Variants in TCHP observed in about 807,000 individuals in gnomAD.
TCHP encodes trichoplein keratin filament binding, also known as trichoplein keratin filament-binding protein.
In TCHP, 81 loss-of-function variants were observed where a neutral mutation model predicts 88.7. The ratio of observed to expected loss-of-function variants is 0.91; its 90% confidence interval spans 0.76 to 1.10. TCHP has a LOEUF of 1.10. Among genes scored for constraint, TCHP ranks in the 50% least tolerant of loss-of-function variants. The pLI, the probability that TCHP is intolerant of heterozygous loss-of-function variation, is 0.00. For synonymous variants in TCHP, 232 were observed against 232.5 expected, an observed-to-expected ratio of 1.00 and a Z score of 0.02; for missense variants, 641 against 632.1, an observed-to-expected ratio of 1.01 and a Z score of -0.15.
intron 1 of TCHP, among the ~76,000 whole-genome samples, chr12:109,902,112 T>A (rs1869832114): frequency 6.6e-6 from 1 of 152,202 alleles, no homozygotes; most frequent in Non-Finnish European, 1.5e-5. Flanking sequence ...AATCCCTGTG[T>A]CTGTCTGTTG....
At chr12:109,913,215 G>A in intron 10 of TCHP, 143 bp downstream of exon 10, 1 of 724,794 alleles carries the variant, frequency 1.4e-6, no homozygotes, top group Non-Finnish European at 2.3e-6. Context: ...CATTGAAAAA[G>A]TAATATGAGC....
chr12:109,893,378 CTCA>C, the TCHP span, among the ~76,000 whole-genome samples: 1 of 132,942 alleles, frequency 7.5e-6, no homozygotes, highest in Admixed American at 7.2e-5. Flanking sequence ...GAAACTCCTT[CTCA>C]AAAAAAAAAA....
chr12:109,908,733 CG>C (rs773876466), intron 7 of TCHP, 35 bp downstream of exon 7: 1 of 1,561,986 alleles, frequency 6.4e-7, no homozygotes, highest in South Asian at 1.2e-5. Context: ...TCTTCCCAGG[CG>C]GGTGGGCCTC....
chr12:109,911,474 G>C (rs1212867257), intron 9 of TCHP, among the ~76,000 whole-genome samples: 1 of 151,924 alleles, frequency 6.6e-6, no homozygotes, highest in East Asian at 1.9e-4. Context: ...TTGGCCAGGC[G>C]TGGTTGTTCA....
Position 109,907,545 on chromosome 12 carries a change from A to G in TCHP, c.545A>G (p.Gln182Arg), listed in dbSNP as rs759866634. The G allele has an allele frequency of 1.2e-6, 2 of 1,614,232 alleles. No individual in the cohort carries two copies. The highest frequency in any genetic ancestry group is 1.7e-5 in the Admixed American group (1 of 60,020). Residue 182 changes from glutamine (Q) to arginine (R), a missense_variant, in exon 6 of 13, where the codon CAA becomes CGA. Coordinates refer to ENST00000405876, the MANE Select transcript of TCHP (RefSeq NM_001143852.2). Reference sequence around the variant, plus strand: ...TTGTAGCAAGAAGCCACCGCAGAGCAAGAGAACAAACGGTATGAAAATGAA... The same window carrying G: ...TTGTAGCAAGAAGCCACCGCAGAGCGAGAGAACAAACGGTATGAAAATGAA... ...EKKQQEATAEQENKRYENEYE... is the reference protein window; with the variant it reads ...EKKQQEATAERENKRYENEYE...
the TCHP span, among the ~76,000 whole-genome samples, chr12:109,885,249 C>T: frequency 3.9e-5 from 6 of 152,318 alleles, no homozygotes; most frequent in East Asian, 5.8e-4. Context: ...GGATTACAGG[C>T]GTAAGCCACC....
chr12:109,911,297 C>A, intron 9 of TCHP, 62 bp downstream of exon 9: 2 of 859,646 alleles, frequency 2.3e-6, no homozygotes, highest in South Asian at 1.8e-5. Flanking sequence ...CCTTGAAATG[C>A]CCCATGGGTC....
intron 6 of TCHP, 26 bp from the exon 7 acceptor site, chr12:109,908,560 C>A: frequency 6.4e-7 from 1 of 1,557,200 alleles, no homozygotes; most frequent in South Asian, 1.2e-5. Context: ...AGATCTCAGT[C>A]GAGCTTACTC....
chr12:109,890,012 G>A, the TCHP span, among the ~76,000 whole-genome samples: 1 of 152,198 alleles, frequency 6.6e-6, no homozygotes, highest in African/African-American at 2.4e-5. Flanking sequence ...ACACCCAAGT[G>A]GGATACAGCC....
chr12:109,898,567 G>A (rs144426226), upstream of TCHP, among the ~76,000 whole-genome samples: 272 of 152,098 alleles, frequency 1.8e-3, 1 homozygote, highest in Middle Eastern at 3.4e-3. Context: ...GGCACAGACA[G>A]ATGAAGTGAC....
At position 109,905,517 on chromosome 12, in the gene TCHP, G is replaced by T. The variant is rs971894876; in HGVS notation, c.456+724G>T. ...GCTGCGACAGCCCAGCCGGGGGTTG[G>T]TGAAGGCCTGAACTGGGCTGGCAGG... On this transcript the variant is annotated intron_variant, in intron 4 of 12. Coordinates refer to ENST00000405876, the MANE Select transcript of TCHP (RefSeq NM_001143852.2). This position sits in a 1 kb window ranked among gnomAD's most constrained non-coding sequence, Gnocchi z 4.0. 2.0e-5 allele frequency among the ~76,000 whole-genome samples: 3 copies of T among 152,234 alleles called. No individual in the cohort carries two copies. The highest frequency in any genetic ancestry group is 4.8e-5 in the African/African-American group (2 of 41,456).
intron 11 of TCHP, 144 bp from the exon 12 acceptor site, chr12:109,915,259 C>T (rs1436399722): frequency 2.6e-5 from 29 of 1,121,088 alleles, no homozygotes; most frequent in Non-Finnish European, 3.9e-5. Context: ...CGCATGCTCC[C>T]TTCCGTTCCT....
chr12:109,899,442 A>G (rs1869659035), upstream of TCHP, among the ~76,000 whole-genome samples: 6 of 152,136 alleles, frequency 3.9e-5, no homozygotes. Flanking sequence ...GATCGAGACC[A>G]TCCTGACCAA....
In TCHP at chr12:109,914,565, C is replaced by G. The variant is rs79799419; in HGVS notation, c.1258C>G (p.Arg420Gly). ...TCTTGAGGAGGTGAGAGAGTTGGCTCGTCGCGAGAAAGAGGAGAGTGAAAA... is the reference window on the plus strand; with the variant it reads ...TCTTGAGGAGGTGAGAGAGTTGGCTGGTCGCGAGAAAGAGGAGAGTGAAAA... ...RNLEEVRELA[R>G]REKEESEKLK... is the part of the protein sequence containing the mutation. The change falls in exon 11 of 13, where the codon CGT becomes GGT. Residue 420 changes from arginine (R) to glycine (G), a missense_variant. Transcript: ENST00000405876. The G allele has an allele frequency of 6.2e-7, 1 of 1,613,772 alleles. No homozygotes were observed. Among genetic ancestry groups the G allele is most frequent in the East Asian group, 2.2e-5 (1 of 44,882 alleles).
At chr12:109,890,189 G>T in the TCHP span, among the ~76,000 whole-genome samples, 1 of 151,738 alleles carries the variant, frequency 6.6e-6, no homozygotes, top group African/African-American at 2.4e-5. Flanking sequence ...TTCTAAGGAA[G>T]CCTGACTGTG....
At chr12:109,902,657 T>C (rs1869870594) in intron 1 of TCHP, among the ~76,000 whole-genome samples, 1 of 152,124 alleles carries the variant, frequency 6.6e-6, no homozygotes, top group Non-Finnish European at 1.5e-5. Flanking sequence ...GTATTTTTAG[T>C]GGAGACAGGG....
rs200855746 is a variant in TCHP, at chr12:109,913,052, C to T, written c.1114C>T (p.Arg372Trp). Residue 372 changes from arginine (R) to tryptophan (W), a missense_variant, in exon 10 of 13, where the codon CGG (arginine) becomes TGG (tryptophan). Arg to Trp is a moderately radical substitution (Grantham distance 101). Transcript: ENST00000405876. ...AGAGTGGGCCCGAGAGCGCAGCGCACGGGACAGACTGATGAGCGAGGTAAT... is the reference window on the plus strand; with the variant it reads ...AGAGTGGGCCCGAGAGCGCAGCGCATGGGACAGACTGATGAGCGAGGTAAT... Reference protein sequence around the residue: ...EAEWARERSARDRLMSEVLTG... With the variant: ...EAEWARERSAWDRLMSEVLTG... 3.4e-5 allele frequency: 55 copies of T among 1,613,748 alleles called. No homozygotes were observed. The highest frequency in any genetic ancestry group is 1.9e-4 in the South Asian group (17 of 91,088).
Position 109,905,295 on chromosome 12 carries a change from G to A in TCHP, c.456+502G>A, listed in dbSNP as rs11068858. On this transcript the variant is annotated intron_variant, in intron 4 of 12. Transcript: ENST00000405876. The surrounding 1 kb of genome is among the most constrained non-coding windows in gnomAD (Gnocchi z 4.0). ...GAGAACAGAGCGAGCCCTGGGAGCT[G>A]AAAGTGTCTGGGTGAGGCTAGGATG... 1.3e-5 allele frequency among the ~76,000 whole-genome samples: 2 copies of A among 152,116 alleles called. No homozygotes were observed. The highest frequency in any genetic ancestry group is 2.9e-5 in the Non-Finnish European group (2 of 68,026).
chr12:109,885,334 A>G, the TCHP span, among the ~76,000 whole-genome samples: 1 of 152,142 alleles, frequency 6.6e-6, no homozygotes, highest in Admixed American at 6.6e-5. Flanking sequence ...TCATGATTGG[A>G]TTCAAGTTGT....
Sources: allele counts gnomAD v4.1 joint callset (sites outside exome capture counted in the v4.1 genomes callset), GRCh38; gene constraint gnomAD v4.1.1; non-coding constraint Gnocchi (gnomAD v3.1); transcripts MANE v1.5; gene names NCBI Gene and HGNC (gene_info 2026-07-23, HGNC 2026-07-21).